Variants in CACNA1E observed in about 807,000 individuals in gnomAD.
CACNA1E encodes the protein calcium voltage-gated channel subunit alpha1 E.
In CACNA1E, 40 loss-of-function variants were observed where a neutral mutation model predicts 259.2. The ratio of observed to expected loss-of-function variants is 0.15; its 90% CI spans 0.12 to 0.20. CACNA1E has a LOEUF of 0.20. CACNA1E is among the 10% of genes least tolerant of loss of function. CACNA1E has a pLI of 1.00. For missense variants in CACNA1E, 1,874 were observed against 3,040.1 expected, an observed-to-expected ratio of 0.62 and a Z score of 9.02; for synonymous variants, 1,104 against 1,138.5, an observed-to-expected ratio of 0.97 and a Z score of 0.61.
intron 6 of CACNA1E, among the ~76,000 whole-genome samples, chr1:181,641,661 G>A (rs146213011): frequency 4.6e-5 from 7 of 151,182 alleles, no homozygotes; most frequent in African/African-American, 9.8e-5. Context: ...CTTCAACCTC[G>A]GGTAGCTTTC....
chr1:181,351,512 G>C (rs1239445139), intron 1 of CACNA1E, among the ~76,000 whole-genome samples: 1 of 152,136 alleles, frequency 6.6e-6, no homozygotes, highest in Non-Finnish European at 1.5e-5. Flanking sequence ...CAAACTTCAT[G>C]GCTGACAGCA....
chr1:181,519,656 T>C (rs763192620), intron 3 of CACNA1E, among the ~76,000 whole-genome samples: 1 of 152,126 alleles, frequency 6.6e-6, no homozygotes, highest in Non-Finnish European at 1.5e-5. Context: ...AGATGGGGTG[T>C]GGTGAGCTGG....
chr1:181,611,314 A>C (rs1445552968), intron 6 of CACNA1E, among the ~76,000 whole-genome samples: 1 of 151,986 alleles, frequency 6.6e-6, no homozygotes, highest in Non-Finnish European at 1.5e-5. Context: ...TTGCATGCTG[A>C]CTATGTGCTA....
chr1:181,771,196 G>A (rs543067122), intron 35 of CACNA1E, 97 bp from the exon 36 acceptor site: 179 of 671,440 alleles, frequency 2.7e-4, no homozygotes, highest in African/African-American at 2.3e-3. Context: ...GTAGGTCATC[G>A]GGAAGAGCCA....
intron 6 of CACNA1E, among the ~76,000 whole-genome samples, chr1:181,589,024 G>A (rs911609718): frequency 6.6e-6 from 1 of 152,338 alleles, no homozygotes; most frequent in East Asian, 1.9e-4. Flanking sequence ...GAAGACTTAT[G>A]AGCAATTTTT....
chr1:181,618,925 A>G (rs1655470366), intron 6 of CACNA1E, among the ~76,000 whole-genome samples: 1 of 152,246 alleles, frequency 6.6e-6, no homozygotes, highest in Admixed American at 6.5e-5. Flanking sequence ...TACAAAAATT[A>G]TCAGTTTTTA....
chr1:181,570,083 T>C (rs1650257535), intron 3 of CACNA1E, among the ~76,000 whole-genome samples: 1 of 152,198 alleles, frequency 6.6e-6, no homozygotes, highest in Admixed American at 6.5e-5. Flanking sequence ...CATTTCATTT[T>C]ATAGATAAGG....
intron 1 of CACNA1E, among the ~76,000 whole-genome samples, chr1:181,321,553 A>G (rs1302688227): frequency 6.6e-6 from 1 of 152,206 alleles, no homozygotes; most frequent in Admixed American, 6.5e-5. Flanking sequence ...CCCCAGAAAT[A>G]GTTCTGTAGA....
chr1:181,787,954 T>C (rs1225055924), intron 43 of CACNA1E, among the ~76,000 whole-genome samples: 1 of 152,240 alleles, frequency 6.6e-6, no homozygotes, highest in Non-Finnish European at 1.5e-5. Context: ...AATTGGATTT[T>C]GTCTTTGGAT....
chr1:181,802,298 G>C lies in CACNA1E; in HGVS notation c.*3464G>C, dbSNP rs1035374071. The C allele has an allele frequency of 6.6e-6, 1 of 152,184 alleles. No homozygotes were observed. Among genetic ancestry groups the C allele is most frequent in the African/African-American group, 2.4e-5 (1 of 41,432 alleles). 9.4% of individuals were successfully genotyped at this position (152,184 alleles called of 1,614,324 possible). On this transcript the variant is annotated 3_prime_UTR_variant, in exon 48 of 48. Transcript: ENST00000367573. Reference sequence around the variant, plus strand: ...ATTCAATGTCTCCATAGGGCACTGAGATCACCAAGAACATTACCCAGAAGC... The same window carrying C: ...ATTCAATGTCTCCATAGGGCACTGACATCACCAAGAACATTACCCAGAAGC...
At chr1:181,373,098 C>G (rs1054412944) in intron 1 of CACNA1E, among the ~76,000 whole-genome samples, 3 of 151,984 alleles carry the variant, frequency 2.0e-5, no homozygotes, top group Admixed American at 6.6e-5. Context: ...CTGAAGTTTT[C>G]TTTTTTCATT....
At chr1:181,620,781 G>A (rs1655651048) in intron 6 of CACNA1E, among the ~76,000 whole-genome samples, 1 of 152,212 alleles carries the variant, frequency 6.6e-6, no homozygotes, top group Admixed American at 6.5e-5. Flanking sequence ...TGAAATCCTA[G>A]GTGCCATAAA....
At chr1:181,339,620 C>T (rs1203979267) in intron 1 of CACNA1E, among the ~76,000 whole-genome samples, 2 of 151,922 alleles carry the variant, frequency 1.3e-5, no homozygotes, top group African/African-American at 2.4e-5. Flanking sequence ...CGACATAGTA[C>T]CTATTTCCTT....
intron 6 of CACNA1E, among the ~76,000 whole-genome samples, chr1:181,628,157 T>C (rs991349058): frequency 2.6e-5 from 4 of 152,204 alleles, no homozygotes; most frequent in African/African-American, 9.7e-5. Context: ...TCGATTGCCC[T>C]ACTGCAAATG....
At chr1:181,614,960 C>T (rs1433379349) in intron 6 of CACNA1E, among the ~76,000 whole-genome samples, 3 of 152,032 alleles carry the variant, frequency 2.0e-5, no homozygotes, top group Admixed American at 2.0e-4. Flanking sequence ...ATGTGTTGTT[C>T]AAGGATCAGT....
In CACNA1E at chr1:181,747,282, C is replaced by G. The variant is rs1008411276; in HGVS notation, c.3720-3194C>G. Among the ~76,000 whole-genome samples, 12 of 152,306 alleles carry G rather than the reference C, an allele frequency of 7.9e-5. No individual in the cohort carries two copies. The East Asian group carries it at 2.3e-3, about 29-fold the overall frequency. On this transcript the variant is annotated intron_variant, in intron 25 of 47. Transcript: ENST00000367573. ...GCCCTCATGGGAGGAGAATCAGTTC[C>G]TGGCAGAAATCAACTTGAGAGCATG...
chr1:181,701,577 C>G (rs1415029926), intron 7 of CACNA1E, among the ~76,000 whole-genome samples: 1 of 152,202 alleles, frequency 6.6e-6, no homozygotes, highest in Non-Finnish European at 1.5e-5. Context: ...TGAGGTGGCG[C>G]AGACTGGCGG....
At chr1:181,783,169 A>G (rs747391364) in intron 39 of CACNA1E, among the ~76,000 whole-genome samples, 2 of 152,196 alleles carry the variant, frequency 1.3e-5, no homozygotes, top group African/African-American at 2.4e-5. Context: ...TAAAGACTCA[A>G]AAAGGGGGCA....
chr1:181,679,026 TC>T (rs1649657902), intron 7 of CACNA1E, among the ~76,000 whole-genome samples: 1 of 152,220 alleles, frequency 6.6e-6, no homozygotes, highest in African/African-American at 2.4e-5. Flanking sequence ...CACATTTTCT[TC>T]CTCATGGTCT....
Sources: gnomAD v4.1 joint callset for allele counts (sites outside exome capture counted in the v4.1 genomes callset) on GRCh38, gnomAD v4.1.1 for gene constraint, MANE v1.5 for transcripts, NCBI Gene and HGNC (gene_info 2026-07-23, HGNC 2026-07-21) for gene names.